The following CNTN5 variants were observed in gnomAD, a reference collection of about 807,000 sequenced individuals.
CNTN5 encodes contactin 5.
In CNTN5, 77 loss-of-function variants were observed where a neutral mutation model predicts 129.1. The ratio of observed to expected loss-of-function variants is 0.60; its 90% CI spans 0.50 to 0.72. The LOEUF is 0.72. Ranked by LOEUF, CNTN5 falls within the 30% of genes least tolerant of loss-of-function variation. CNTN5 has a pLI of 0.00. For missense variants in CNTN5, 1,478 were observed against 1,328.8 expected (o/e 1.11, Z -1.75); for synonymous variants, 509 against 465.6 (o/e 1.09, Z -1.20).
chr11:99,233,065 T>C (rs1861084391), intron 1 of CNTN5, among the ~76,000 whole-genome samples: 1 of 152,206 alleles, frequency 6.6e-6, no homozygotes, highest in African/African-American at 2.4e-5. Context: ...CATCTTCAAG[T>C]CAATGTTTTG....
intron 13 of CNTN5, among the ~76,000 whole-genome samples, chr11:100,166,007 A>G (rs1244098929): frequency 1.3e-5 from 2 of 151,688 alleles, no homozygotes; most frequent in African/African-American, 4.8e-5. Flanking sequence ...CTCATAAAAG[A>G]GTAGTTTTCT....
chr11:99,576,749 G>C (rs1314325174), intron 3 of CNTN5, among the ~76,000 whole-genome samples: 1 of 152,094 alleles, frequency 6.6e-6, no homozygotes. Context: ...TGTCATAGAT[G>C]GTGCCTTCTC....
intron 2 of CNTN5, among the ~76,000 whole-genome samples, chr11:99,496,047 T>C (rs1029199755): frequency 2.7e-4 from 41 of 152,312 alleles, no homozygotes; most frequent in African/African-American, 9.6e-4. Context: ...ATGTCTATGG[T>C]ATATCCAAGT....
chr11:100,139,184 T>C (rs752214141), intron 13 of CNTN5, among the ~76,000 whole-genome samples: 6 of 152,118 alleles, frequency 3.9e-5, no homozygotes, highest in Non-Finnish European at 7.4e-5. Flanking sequence ...GCAGGAGATG[T>C]AGTCACAGGG....
chr11:100,283,931 G>T (rs1045667457), intron 18 of CNTN5, among the ~76,000 whole-genome samples: 3 of 152,084 alleles, frequency 2.0e-5, no homozygotes, highest in African/African-American at 7.2e-5. Flanking sequence ...GGGTGACATA[G>T]CGAGACTCTG....
intron 3 of CNTN5, among the ~76,000 whole-genome samples, chr11:99,576,360 A>T (rs1332061018): frequency 6.6e-6 from 1 of 152,220 alleles, no homozygotes; most frequent in Non-Finnish European, 1.5e-5. Context: ...AGGTGTTTAA[A>T]GCAGTAATTG....
chr11:100,182,536 C>T (rs1250725694), intron 13 of CNTN5, among the ~76,000 whole-genome samples: 4 of 152,054 alleles, frequency 2.6e-5, no homozygotes, highest in Admixed American at 1.3e-4. Context: ...CAGACATAAA[C>T]ATCCAGATCA....
intron 1 of CNTN5, among the ~76,000 whole-genome samples, chr11:99,107,781 A>G (rs1446767560): frequency 6.6e-6 from 1 of 151,714 alleles, no homozygotes; most frequent in African/African-American, 2.4e-5. Flanking sequence ...AATACAAAAA[A>G]TTAGCCGGGC....
At chr11:99,973,108 T>C (rs1937689210) in intron 8 of CNTN5, among the ~76,000 whole-genome samples, 2 of 152,200 alleles carry the variant, frequency 1.3e-5, no homozygotes, top group African/African-American at 4.8e-5. Flanking sequence ...TCACTAAAAA[T>C]ACAGATTCCT....
At chr11:99,496,518 C>T (rs1265329296) in intron 2 of CNTN5, among the ~76,000 whole-genome samples, 2 of 152,048 alleles carry the variant, frequency 1.3e-5, no homozygotes, top group East Asian at 3.8e-4. Context: ...TCAGGTCTTA[C>T]CTAATGTAAG....
intron 7 of CNTN5, among the ~76,000 whole-genome samples, chr11:99,954,922 C>G (rs1427082592): frequency 6.6e-6 from 1 of 152,076 alleles, no homozygotes; most frequent in Non-Finnish European, 1.5e-5. Flanking sequence ...TGTGTAATAT[C>G]TGAGAAAATA....
At chr11:99,613,732 A>G (rs1950667811) in intron 3 of CNTN5, among the ~76,000 whole-genome samples, 1 of 152,218 alleles carries the variant, frequency 6.6e-6, no homozygotes, top group Non-Finnish European at 1.5e-5. Context: ...CACCATTTTT[A>G]TTCTGAGGAT....
intron 3 of CNTN5, among the ~76,000 whole-genome samples, chr11:99,762,584 G>A (rs560146414): frequency 5.9e-5 from 9 of 151,796 alleles, no homozygotes; most frequent in South Asian, 2.1e-4. Context: ...GTAGATATGC[G>A]GCGTTATTTC....
chr11:100,301,495 CTTCA>C (rs1465251424), intron 20 of CNTN5, among the ~76,000 whole-genome samples: 1 of 150,642 alleles, frequency 6.6e-6, no homozygotes, highest in East Asian at 1.9e-4. Context: ...TAATGTAACA[CTTCA>C]TTTATTTTAA....
At chr11:99,838,067 T>A (rs1947361735) in intron 4 of CNTN5, among the ~76,000 whole-genome samples, 1 of 152,014 alleles carries the variant, frequency 6.6e-6, no homozygotes, top group African/African-American at 2.4e-5. Context: ...TACCAGAAAA[T>A]CTTGAGTAAA....
intron 7 of CNTN5, among the ~76,000 whole-genome samples, chr11:99,951,129 A>G (rs935241935): frequency 1.5e-4 from 23 of 152,102 alleles, no homozygotes; most frequent in Non-Finnish European, 3.1e-4. Flanking sequence ...AAGGTCATGT[A>G]GTTAGTAGGT....
At chr11:99,990,351 A>T (rs967228828) in intron 8 of CNTN5, among the ~76,000 whole-genome samples, 1 of 151,708 alleles carries the variant, frequency 6.6e-6, no homozygotes, top group Admixed American at 6.6e-5. Flanking sequence ...AAATAAATTT[A>T]TTGGCTTCCC....
At chr11:99,995,540 C>T (rs577072523) in intron 8 of CNTN5, among the ~76,000 whole-genome samples, 1 of 152,120 alleles carries the variant, frequency 6.6e-6, no homozygotes, top group South Asian at 2.1e-4. Context: ...TGTATATGAC[C>T]TTCATATCTT....
chr11:99,144,267 G>GA (rs1178787844), intron 1 of CNTN5, among the ~76,000 whole-genome samples: 1 of 152,052 alleles, frequency 6.6e-6, no homozygotes, highest in Non-Finnish European at 1.5e-5. Context: ...ATAGTCTAGG[G>GA]AAAAATAGAT....
Sources: allele counts gnomAD v4.1 joint callset (sites outside exome capture counted in the v4.1 genomes callset), GRCh38; gene constraint gnomAD v4.1.1; transcripts MANE v1.5; gene names NCBI Gene and HGNC (gene_info 2026-07-23, HGNC 2026-07-21).